KHK: variants seen among roughly 807,000 people sequenced by gnomAD.
KHK encodes the protein ketohexokinase.
KHK carries 37 observed loss-of-function variants against 36.0 expected under a neutral mutation model. The observed-to-expected ratio is 1.03, with a 90% CI of 0.79 to 1.35. The LOEUF (loss-of-function observed/expected upper bound fraction) is 1.35, where lower values mean the gene tolerates loss of function less well. KHK is among the 40% of genes most tolerant of loss of function. KHK has a pLI of 0.00. For synonymous variants in KHK, 161 were observed against 162.8 expected (o/e 0.99, Z 0.08); for missense variants, 395 against 391.9 (o/e 1.01, Z -0.07).
chr2:27,099,454 G>A lies in KHK; in HGVS notation c.688G>A (p.Ala230Thr), dbSNP rs745997707. Residue 230 changes from alanine (A) to threonine (T), a missense_variant, in exon 7 of 8, where the codon GCC becomes ACC. Physicochemically the swap from Ala to Thr is moderately conservative, Grantham distance 58. Coordinates refer to ENST00000260598, the MANE Select transcript of KHK (RefSeq NM_006488.3). Reference sequence around the variant, plus strand: ...TGTCTGTGCCTGGGCTGAGGAGGGCGCCGACGCCCTGGGCCCTGATGGCAA... The same window carrying A: ...TGTCTGTGCCTGGGCTGAGGAGGGCACCGACGCCCTGGGCCCTGATGGCAA... ...VLVCAWAEEG[A>T]DALGPDGKLL... The A allele has an allele frequency of 1.3e-4, 213 of 1,613,896 alleles. No homozygotes were observed. Among genetic ancestry groups the A allele is most frequent in the Non-Finnish European group, 1.6e-4 (194 of 1,179,938 alleles).
At chr2:27,093,396 T>G (rs905891825) in intron 2 of KHK, among the ~76,000 whole-genome samples, 5 of 152,168 alleles carry the variant, frequency 3.3e-5, no homozygotes, top group African/African-American at 1.2e-4. Context: ...TGGCTTAGGA[T>G]GGTCGACTCT....
In KHK at chr2:27,098,497, C is replaced by G. The variant is rs940396029; in HGVS notation, c.565-699C>G. 3.3e-5 allele frequency among the ~76,000 whole-genome samples: 5 copies of G among 150,652 alleles called. No individual in the cohort carries two copies. In the South Asian group the frequency reaches 1.0e-3, roughly 31 times the overall value. On this transcript the variant is annotated intron_variant, in intron 5 of 7. Coordinates refer to ENST00000260598, the MANE Select transcript of KHK (RefSeq NM_006488.3). The stretch of plus-strand genomic sequence containing the variant: ...ATACAAAAAAAAAAAAAAAAAATTC[C>G]TGGCATGGTGGTGTGCACCCATAGT...
At chr2:27,094,146 C>T (rs1039427756) in intron 2 of KHK, 2 of 411,622 alleles carry the variant, frequency 4.9e-6, no homozygotes, top group Admixed American at 7.1e-5. Flanking sequence ...AAACAGTGTA[C>T]AGGTTCTAGG....
At chr2:27,098,912 C>T in intron 5 of KHK, 1 of 418,540 alleles carries the variant, frequency 2.4e-6, no homozygotes, top group Non-Finnish European at 4.5e-6. Context: ...TAAAAATATG[C>T]TTCTGGCCAG....
intron 1 of KHK, among the ~76,000 whole-genome samples, chr2:27,091,869 C>G (rs972011380): frequency 1.3e-5 from 2 of 152,036 alleles, no homozygotes; most frequent in Non-Finnish European, 2.9e-5. Flanking sequence ...GAAGTAGACA[C>G]TCCTAACACA....
chr2:27,091,953 CAAG>C (rs1303884278), intron 1 of KHK, among the ~76,000 whole-genome samples: 6 of 152,308 alleles, frequency 3.9e-5, no homozygotes, highest in Admixed American at 6.5e-5. Context: ...CTCCAGCTCT[CAAG>C]GAGGAGGCCA....
rs777836081 is a variant in KHK at position 27,092,306 on chromosome 2, G to T, written c.93-26G>T. The T allele has an allele frequency of 7.0e-6, 11 of 1,570,926 alleles. No individual in the cohort carries two copies. The African/African-American group carries it at 1.5e-4, about 21-fold the overall frequency. ...TGCTTGGGATCAGCCTGCTGGGGCT[G>T]CAGGGACCCTCCCTGTGCTTTGCAG... On this transcript the variant is annotated intron_variant, in intron 1 of 7. Coordinates refer to ENST00000260598, the MANE Select transcript of KHK (RefSeq NM_006488.3).
chr2:27,099,075 C>G, intron 5 of KHK, 121 bp from the exon 6 acceptor site: 1 of 875,298 alleles, frequency 1.1e-6, no homozygotes, highest in Middle Eastern at 2.3e-4. Flanking sequence ...CAGTGAGATG[C>G]TACGTTGGGG....
At chr2:27,087,478 C>A (rs926452863) in intron 1 of KHK, 127 bp downstream of exon 1, 15 of 658,338 alleles carry the variant, frequency 2.3e-5, no homozygotes, top group African/African-American at 2.0e-4. Flanking sequence ...CGGACCCGCG[C>A]CCTCTACCCG....
intron 5 of KHK, chr2:27,098,885 T>G (rs529229684): frequency 1.4e-5 from 5 of 358,232 alleles, no homozygotes; most frequent in African/African-American, 1.1e-4. Context: ...CTGTATTCTA[T>G]TATATATAAG....
At position 27,099,262 on chromosome 2, in the gene KHK, T is replaced by C. The variant is rs1670620037; in HGVS notation, c.631T>C (p.Leu211=). The C allele has an allele frequency of 6.8e-6, 11 of 1,614,062 alleles. No individual in the cohort carries two copies. The highest frequency in any genetic ancestry group is 9.3e-6 in the Non-Finnish European group (11 of 1,180,012). ...GTCAGCAGAGGAAGCCTTGAGGGGCTTGTATGGTCGTGTGAGGAAAGGGTG... is the reference window on the plus strand; with the variant it reads ...GTCAGCAGAGGAAGCCTTGAGGGGCCTGTATGGTCGTGTGAGGAAAGGGTG... ...FQSAEEALRG[L]YGRVRKGAVL... Residue 211 remains leucine (L), a synonymous_variant, in exon 6 of 8, where the codon TTG becomes CTG. Coordinates refer to ENST00000260598, the MANE Select transcript of KHK (RefSeq NM_006488.3).
Position 27,091,533 on chromosome 2 carries a change from C to T in KHK, c.93-799C>T, listed in dbSNP as rs188458914. Among the ~76,000 whole-genome samples, 22 of 152,234 alleles carry T rather than the reference C, an allele frequency of 1.4e-4. No individual in the cohort carries two copies. In the East Asian group the frequency reaches 4.2e-3, roughly 29 times the overall value. On this transcript the variant is annotated intron_variant, in intron 1 of 7. Coordinates refer to ENST00000260598, the MANE Select transcript of KHK (RefSeq NM_006488.3). ...TTGGTACTGTTCCTTTTATTGTAAA[C>T]TGCCACAATTATTATTATTATTGGA...
chr2:27,099,883 G>C lies in KHK; in HGVS notation c.*133G>C. 3.2e-6 allele frequency: 5 copies of C among 1,546,370 alleles called. No homozygotes were observed. Among genetic ancestry groups the C allele is most frequent in the Non-Finnish European group, 4.4e-6 (5 of 1,143,922 alleles). ...GCAAGCTGTGGGGAGGACTCTGCCT[G>C]TGTCCTGTGTTCCCCACAGGGAGAG... On this transcript the variant is annotated 3_prime_UTR_variant, in exon 8 of 8. Coordinates refer to ENST00000260598, the MANE Select transcript of KHK (RefSeq NM_006488.3).
At chr2:27,091,772 C>T (rs1670017612) in intron 1 of KHK, among the ~76,000 whole-genome samples, 1 of 152,222 alleles carries the variant, frequency 6.6e-6, no homozygotes, top group Non-Finnish European at 1.5e-5. Flanking sequence ...TGGAGAAGTG[C>T]TCCCTGCTGC....
In KHK at chr2:27,099,780, G is replaced by A. The variant is rs1170924422; in HGVS notation, c.*30G>A. 4 of 1,610,868 alleles carry A rather than the reference G, an allele frequency of 2.5e-6. No homozygotes were observed. The highest frequency in any genetic ancestry group is 3.4e-6 in the Non-Finnish European group (4 of 1,178,726). On this transcript the variant is annotated 3_prime_UTR_variant, in exon 8 of 8. Transcript: ENST00000260598. Reference sequence around the variant, plus strand: ...AGGTGCCGGCTCCTCACACACCATGGAGACTACCATTGCGGCTGCATCGCC... The same window carrying A: ...AGGTGCCGGCTCCTCACACACCATGAAGACTACCATTGCGGCTGCATCGCC...
intron 1 of KHK, among the ~76,000 whole-genome samples, chr2:27,087,554 C>T (rs1669734257): frequency 1.3e-5 from 2 of 152,230 alleles, no homozygotes; most frequent in Admixed American, 1.3e-4. Flanking sequence ...AATAAGAAGA[C>T]CCAGGATTTA....
chr2:27,090,529 A>G (rs1046398364), intron 1 of KHK, among the ~76,000 whole-genome samples: 2 of 134,604 alleles, frequency 1.5e-5, no homozygotes, highest in African/African-American at 5.7e-5. Context: ...ATCTTGGCTC[A>G]CTGCAACCTC....
intron 1 of KHK, among the ~76,000 whole-genome samples, chr2:27,091,254 AT>A (rs60898678): frequency 5.2e-3 from 727 of 141,162 alleles, no homozygotes; most frequent in African/African-American, 6.6e-3. Context: ...CTAATTTTTA[AT>A]TTTTTTTTTT....
chr2:27,095,052 G>C (rs1670255662), intron 3 of KHK, 118 bp downstream of exon 3: 2 of 1,207,350 alleles, frequency 1.7e-6, no homozygotes, highest in East Asian at 4.7e-5. Flanking sequence ...TGTACCAGAA[G>C]TTGCTCCCCT....
Sources: gnomAD v4.1 joint callset for allele counts (sites outside exome capture counted in the v4.1 genomes callset) on GRCh38, gnomAD v4.1.1 for gene constraint, MANE v1.5 for transcripts, NCBI Gene and HGNC (gene_info 2026-07-23, HGNC 2026-07-21) for gene names.